The following MFSD8 variants were observed in gnomAD, a reference collection of about 807,000 sequenced individuals.
MFSD8 encodes the protein major facilitator superfamily domain-containing protein 8.
In MFSD8, 55 loss-of-function variants were observed where a neutral mutation model predicts 66.4. The observed-to-expected ratio is 0.83, with a 90% CI of 0.67 to 1.04. The LOEUF (loss-of-function observed/expected upper bound fraction) is 1.04. Among genes scored for constraint, MFSD8 ranks in the 50% least tolerant of loss-of-function variants. The probability of loss-of-function intolerance (pLI) is 0.00; values close to 1 mark genes in which losing one functional copy is unlikely to be tolerated. For synonymous variants in MFSD8, 202 were observed against 212.8 expected, an observed-to-expected ratio of 0.95 and a Z score of 0.44; for missense variants, 550 against 627.6, an observed-to-expected ratio of 0.88 and a Z score of 1.32.
At chr4:127,944,424 C>T (rs1027662071) in intron 3 of MFSD8, among the ~76,000 whole-genome samples, 3 of 151,996 alleles carry the variant, frequency 2.0e-5, no homozygotes, top group Non-Finnish European at 4.4e-5. Context: ...AAACTAGGCA[C>T]AAGAGTCAAA....
intron 3 of MFSD8, among the ~76,000 whole-genome samples, chr4:127,946,741 C>A (rs543936510): frequency 6.6e-6 from 1 of 152,032 alleles, no homozygotes; most frequent in South Asian, 2.1e-4. Context: ...ACAGTGAAAC[C>A]CTGTCTCTAC....
chr4:127,930,893 A>G (rs1038887351), intron 8 of MFSD8, 76 bp from the exon 9 acceptor site: 37 of 1,361,262 alleles, frequency 2.7e-5, no homozygotes, highest in Non-Finnish European at 3.5e-5. Flanking sequence ...GTAAGTTTTA[A>G]TAACGACATC....
intron 2 of MFSD8, among the ~76,000 whole-genome samples, chr4:127,953,831 A>G (rs1278652734): frequency 6.6e-6 from 1 of 152,202 alleles, no homozygotes. Context: ...AAAATGTATT[A>G]TAAAGAATTG....
In MFSD8 at chr4:127,942,144, C is replaced by A. The variant is rs2148915793; in HGVS notation, c.454G>T (p.Val152Phe). 1.2e-6 allele frequency: 2 copies of A among 1,609,922 alleles called. No homozygotes were observed. The highest frequency in any genetic ancestry group is 1.7e-6 in the Non-Finnish European group (2 of 1,176,336). ...LGIGAGNVAV[V>F]RSYTAGATSL... ...GTAGCACCAGCAGTATATGATCTAA[C>A]AACTGCTACATTTCCTTAAAAACAA... Residue 152 changes from valine to phenylalanine, a missense_variant, in exon 5 of 12, where the codon GTT becomes TTT. Transcript: ENST00000641686.
chr4:127,920,975 G>A, intron 11 of MFSD8, 139 bp from the exon 12 acceptor site: 1 of 782,316 alleles, frequency 1.3e-6, no homozygotes, highest in South Asian at 1.8e-5. Flanking sequence ...AACATAAAAT[G>A]CCTCCTATAA....
intron 9 of MFSD8, among the ~76,000 whole-genome samples, chr4:127,930,410 C>T (rs1737928861): frequency 6.6e-6 from 1 of 151,860 alleles, no homozygotes; most frequent in South Asian, 2.1e-4. Flanking sequence ...ATATATATTA[C>T]AATACAGTAG....
intron 5 of MFSD8, 62 bp downstream of exon 5, chr4:127,941,983 T>C (rs1740268808): frequency 7.8e-7 from 1 of 1,273,894 alleles, no homozygotes; most frequent in South Asian, 1.2e-5. Context: ...TTACACTGAA[T>C]ATTTAAGCCT....
At chr4:127,932,242 C>A (rs1263363699) in intron 8 of MFSD8, 1 of 152,000 alleles carries the variant, frequency 6.6e-6, no homozygotes, top group Non-Finnish European at 1.5e-5. Context: ...ATAAAAACAC[C>A]AAGCAAACCT....
At chr4:127,965,020 C>G (rs984610703) in intron 1 of MFSD8, 52 bp downstream of exon 1, 1 of 1,597,324 alleles carries the variant, frequency 6.3e-7, no homozygotes, top group Admixed American at 1.7e-5. Flanking sequence ...GGAAAGGAAC[C>G]AGTCCCAACA....
At chr4:127,963,792 T>C (rs1744312673) in intron 1 of MFSD8, among the ~76,000 whole-genome samples, 1 of 152,326 alleles carries the variant, frequency 6.6e-6, no homozygotes, top group Non-Finnish European at 1.5e-5. Flanking sequence ...GGGTTGCCAC[T>C]ACTGGTGGGC....
chr4:127,961,920 A>G (rs1743840960), intron 1 of MFSD8, among the ~76,000 whole-genome samples: 1 of 152,124 alleles, frequency 6.6e-6, no homozygotes, highest in South Asian at 2.1e-4. Context: ...TAGGAAAGAC[A>G]TTTAGCTCTC....
At chr4:127,947,264 C>T (rs959611096) in intron 3 of MFSD8, among the ~76,000 whole-genome samples, 5 of 151,430 alleles carry the variant, frequency 3.3e-5, no homozygotes, top group Non-Finnish European at 7.4e-5. Context: ...GTGGCGGGTG[C>T]CTGTAATCCC....
At chr4:127,953,650 T>G (rs1324450047) in intron 2 of MFSD8, among the ~76,000 whole-genome samples, 1 of 142,948 alleles carries the variant, frequency 7.0e-6, no homozygotes, top group African/African-American at 2.6e-5. Context: ...GCCTCCTGGG[T>G]TCAAGTGTAT....
intron 1 of MFSD8, among the ~76,000 whole-genome samples, chr4:127,959,384 TG>T (rs1743379315): frequency 6.6e-6 from 1 of 152,238 alleles, no homozygotes; most frequent in African/African-American, 2.4e-5. Flanking sequence ...ATATGGCTCC[TG>T]GTTTTTTTTA....
At chr4:127,930,838 CTTATT>C (rs1279350690) in intron 8 of MFSD8, 21 bp from the exon 9 acceptor site, 3 of 1,593,568 alleles carry the variant, frequency 1.9e-6, no homozygotes, top group South Asian at 1.1e-5. Flanking sequence ...AAAAATTATT[CTTATT>C]TTATTTAAAT....
chr4:127,924,537 T>C (rs1231034373), intron 9 of MFSD8, among the ~76,000 whole-genome samples: 1 of 152,086 alleles, frequency 6.6e-6, no homozygotes, highest in Non-Finnish European at 1.5e-5. Flanking sequence ...TTACAAGGGA[T>C]GTGAAGGACC....
chr4:127,921,226 T>C, intron 11 of MFSD8: 1 of 593,170 alleles, frequency 1.7e-6, no homozygotes, highest in East Asian at 2.8e-5. Flanking sequence ...AAGCTGAAAC[T>C]CAGAAAGTTT....
chr4:127,958,150 T>C (rs1312243283), intron 1 of MFSD8, among the ~76,000 whole-genome samples: 1 of 152,194 alleles, frequency 6.6e-6, no homozygotes, highest in Non-Finnish European at 1.5e-5. Context: ...ACCAGATAAA[T>C]TTTATCAGCA....
chr4:127,937,785 C>T (rs188443047), intron 7 of MFSD8, among the ~76,000 whole-genome samples: 1 of 152,110 alleles, frequency 6.6e-6, no homozygotes, highest in Non-Finnish European at 1.5e-5. Flanking sequence ...TAGCTCCTCA[C>T]CACTCTGCTC....
Sources: allele counts gnomAD v4.1 joint callset (sites outside exome capture counted in the v4.1 genomes callset), GRCh38; gene constraint gnomAD v4.1.1; transcripts MANE v1.5; gene names NCBI Gene and HGNC (gene_info 2026-07-23, HGNC 2026-07-21).